The following BRINP3 variants were observed in gnomAD, a reference collection of about 807,000 sequenced individuals.
The protein encoded by BRINP3 is BMP/retinoic acid-inducible neural-specific protein 3.
A neutral mutation model predicts 71.0 loss-of-function variants in BRINP3; 19 were observed. The observed-to-expected ratio is 0.27, with a 90% CI of 0.19 to 0.39. The LOEUF (loss-of-function observed/expected upper bound fraction) is 0.39, where lower values mean the gene tolerates loss of function less well. Ranked by LOEUF, BRINP3 falls within the 10% of genes least tolerant of loss-of-function variation. The pLI is 1.00. For synonymous variants in BRINP3, 380 were observed against 337.7 expected, an observed-to-expected ratio of 1.13 and a Z score of -1.37; for missense variants, 959 against 940.8, an observed-to-expected ratio of 1.02 and a Z score of -0.25.
intron 4 of BRINP3, among the ~76,000 whole-genome samples, chr1:190,249,272 A>C (rs1295669078): frequency 1.3e-5 from 2 of 151,794 alleles, no homozygotes; most frequent in African/African-American, 2.4e-5. Context: ...CAGCACAGAC[A>C]CTGAATAAAC....
chr1:190,388,187 A>T (rs1269716699), intron 2 of BRINP3, among the ~76,000 whole-genome samples: 2 of 151,864 alleles, frequency 1.3e-5, no homozygotes, highest in African/African-American at 4.8e-5. Flanking sequence ...AATGGAAATT[A>T]TGTTCCATTT....
chr1:190,297,242 T>C (rs1202307349), intron 2 of BRINP3, among the ~76,000 whole-genome samples: 1 of 152,072 alleles, frequency 6.6e-6, no homozygotes, highest in Non-Finnish European at 1.5e-5. Flanking sequence ...TATTCATATA[T>C]GGTTATCTAA....
chr1:190,314,244 T>G (rs1665731134), intron 2 of BRINP3, among the ~76,000 whole-genome samples: 1 of 151,864 alleles, frequency 6.6e-6, no homozygotes, highest in African/African-American at 2.4e-5. Context: ...ATTGGAAAAA[T>G]AATAACGTAG....
At chr1:190,256,162 T>A (rs950849376) in intron 4 of BRINP3, among the ~76,000 whole-genome samples, 3 of 152,176 alleles carry the variant, frequency 2.0e-5, no homozygotes, top group African/African-American at 7.2e-5. Context: ...TTCTTTTCCA[T>A]TTGCTGAGGA....
chr1:190,307,679 T>G (rs1421686771), intron 2 of BRINP3, among the ~76,000 whole-genome samples: 2 of 151,532 alleles, frequency 1.3e-5, no homozygotes, highest in African/African-American at 4.9e-5. Context: ...TCATCAGTAA[T>G]GTGAAGCACT....
chr1:190,167,398 A>G (rs1290908892), intron 6 of BRINP3, among the ~76,000 whole-genome samples: 3 of 152,158 alleles, frequency 2.0e-5, no homozygotes, highest in Non-Finnish European at 4.4e-5. Flanking sequence ...GTGTTGCAGA[A>G]ATGGCATTTG....
At chr1:190,383,586 A>C (rs1259764814) in intron 2 of BRINP3, among the ~76,000 whole-genome samples, 2 of 152,102 alleles carry the variant, frequency 1.3e-5, no homozygotes, top group Non-Finnish European at 2.9e-5. Context: ...TGCGAAATGA[A>C]ACATGAGTAG....
At chr1:190,178,740 A>C (rs770337848) in intron 6 of BRINP3, among the ~76,000 whole-genome samples, 17 of 152,158 alleles carry the variant, frequency 1.1e-4, no homozygotes, top group Non-Finnish European at 1.9e-4. Context: ...CAACCACTAT[A>C]GAGATGAAAG....
At chr1:190,133,486 T>A (rs1654713589) in intron 7 of BRINP3, among the ~76,000 whole-genome samples, 1 of 151,872 alleles carries the variant, frequency 6.6e-6, no homozygotes, top group Non-Finnish European at 1.5e-5. Flanking sequence ...GTGGGAGGTG[T>A]TATAGATAAT....
chr1:190,441,415 T>G (rs972020127), intron 2 of BRINP3, among the ~76,000 whole-genome samples: 3 of 151,932 alleles, frequency 2.0e-5, no homozygotes, highest in Admixed American at 6.6e-5. Context: ...CAAAGCAAAA[T>G]GTGCTAAAAG....
intron 6 of BRINP3, among the ~76,000 whole-genome samples, chr1:190,161,537 T>G (rs1650958736): frequency 6.6e-6 from 1 of 151,984 alleles, no homozygotes; most frequent in Non-Finnish European, 1.5e-5. Context: ...GCTAAAAAAA[T>G]ACTGAAAAGA....
chr1:190,254,752 G>A (rs10920671), intron 4 of BRINP3, among the ~76,000 whole-genome samples: 89,177 of 151,850 alleles, frequency 0.59, 26,390 homozygotes, highest in Admixed American at 0.69. Flanking sequence ...TTCCTAATTT[G>A]ATACCATTTA....
At chr1:190,362,983 A>T in intron 2 of BRINP3, among the ~76,000 whole-genome samples, 1 of 152,254 alleles carries the variant, frequency 6.6e-6, no homozygotes, top group Middle Eastern at 3.4e-3. Flanking sequence ...TCATGATAGG[A>T]TATTATTTCT....
chr1:190,339,203 G>T (rs1391277472), intron 2 of BRINP3, among the ~76,000 whole-genome samples: 1 of 151,888 alleles, frequency 6.6e-6, no homozygotes, highest in East Asian at 1.9e-4. Context: ...CTTTATCACT[G>T]TTGCTCTTAA....
At chr1:190,380,006 AAAAAAAG>A (rs1362593964) in intron 2 of BRINP3, among the ~76,000 whole-genome samples, 4 of 138,940 alleles carry the variant, frequency 2.9e-5, no homozygotes, top group Non-Finnish European at 4.8e-5. Context: ...TCAAAAAAAA[AAAAAAAG>A]AAAAAAGAAA....
chr1:190,157,239 T>C (rs1300168821), intron 7 of BRINP3, among the ~76,000 whole-genome samples: 1 of 152,004 alleles, frequency 6.6e-6, no homozygotes, highest in African/African-American at 2.4e-5. Flanking sequence ...ATAAATACTA[T>C]ATTTTTCATC....
intron 6 of BRINP3, among the ~76,000 whole-genome samples, chr1:190,215,041 T>C (rs188236895): frequency 1.9e-4 from 29 of 151,616 alleles, no homozygotes; most frequent in Admixed American, 4.6e-4. Context: ...TATAAGTATG[T>C]TCTTCTTTTC....
At chr1:190,127,226 C>G (rs956891669) in intron 7 of BRINP3, among the ~76,000 whole-genome samples, 3 of 151,634 alleles carry the variant, frequency 2.0e-5, no homozygotes, top group African/African-American at 7.3e-5. Flanking sequence ...ATTTGAACAG[C>G]TATTCCAAAT....
chr1:190,145,931 T>A (rs1408291119), intron 7 of BRINP3, among the ~76,000 whole-genome samples: 3 of 152,232 alleles, frequency 2.0e-5, no homozygotes, highest in African/African-American at 4.8e-5. Context: ...AGGCCATTAT[T>A]CTAAGTGAAG....
Sources: gnomAD v4.1 joint callset for allele counts (sites outside exome capture counted in the v4.1 genomes callset) on GRCh38, gnomAD v4.1.1 for gene constraint, MANE v1.5 for transcripts, NCBI Gene and HGNC (gene_info 2026-07-23, HGNC 2026-07-21) for gene names.